The following CAST variants were observed in gnomAD, a reference collection of about 807,000 sequenced individuals.
The protein encoded by CAST is MIR583 host.
In CAST, 76 loss-of-function variants were observed where a neutral mutation model predicts 119.6. The observed-to-expected ratio is 0.64, with a 90% CI of 0.53 to 0.77. The LOEUF (loss-of-function observed/expected upper bound fraction) is 0.77, where lower values mean the gene tolerates loss of function less well. CAST is among the 30% of genes least tolerant of loss of function. The pLI, the probability that CAST is intolerant of heterozygous loss-of-function variation, is 0.00. For synonymous variants in CAST, 319 were observed against 331.6 expected (o/e 0.96, Z 0.41); for missense variants, 953 against 946.5 (o/e 1.01, Z -0.09).
At chr5:96,589,800 T>A (rs1746931371) in intron 1 of CAST, among the ~76,000 whole-genome samples, 1 of 152,192 alleles carries the variant, frequency 6.6e-6, no homozygotes, top group Non-Finnish European at 1.5e-5. Context: ...TAATCAGCTA[T>A]CACGTCTCAT....
the CAST span, among the ~76,000 whole-genome samples, chr5:96,179,635 T>C: frequency 1.3e-5 from 2 of 152,070 alleles, no homozygotes; most frequent in Non-Finnish European, 2.9e-5. Flanking sequence ...TGACTCACAC[T>C]TGAGGGAGGA....
At chr5:96,759,950 TTAAA>T (rs1259009977) in intron 24 of CAST, among the ~76,000 whole-genome samples, 1 of 151,992 alleles carries the variant, frequency 6.6e-6, no homozygotes, top group Non-Finnish European at 1.5e-5. Context: ...TTTTCTAAGA[TTAAA>T]CAAAAATATT....
chr5:96,074,869 A>G, the CAST span, among the ~76,000 whole-genome samples: 3 of 152,324 alleles, frequency 2.0e-5, no homozygotes, highest in Non-Finnish European at 4.4e-5. Flanking sequence ...ACTCTTCTGT[A>G]TCTTGTTTGC....
At chr5:95,997,894 C>T in the CAST span, among the ~76,000 whole-genome samples, 13 of 150,906 alleles carry the variant, frequency 8.6e-5, no homozygotes, top group East Asian at 1.9e-4. Flanking sequence ...AAAAGGCCCA[C>T]GTCTCACTGC....
At chr5:96,346,407 A>G in the CAST span, among the ~76,000 whole-genome samples, 1 of 152,158 alleles carries the variant, frequency 6.6e-6, no homozygotes, top group Non-Finnish European at 1.5e-5. Context: ...TGGATCAGAT[A>G]ATGGATTTGG....
chr5:96,691,927 C>T (rs1235605750), intron 2 of CAST, among the ~76,000 whole-genome samples: 1 of 152,156 alleles, frequency 6.6e-6, no homozygotes, highest in Non-Finnish European at 1.5e-5. Context: ...AACTCTTTGC[C>T]TGGCTCTTGG....
the CAST span, among the ~76,000 whole-genome samples, chr5:96,348,719 G>GATGGCA: frequency 6.6e-6 from 1 of 152,164 alleles, no homozygotes; most frequent in Admixed American, 6.5e-5. Context: ...AGAGGAGGCA[G>GATGGCA]ATGGCAATGG....
the CAST span, among the ~76,000 whole-genome samples, chr5:96,339,863 C>T: frequency 1.3e-5 from 2 of 152,066 alleles, no homozygotes; most frequent in Non-Finnish European, 2.9e-5. Context: ...TGGCTATCTC[C>T]CCAGGGTGGC....
In CAST at chr5:96,752,921, A is replaced by G. The variant is rs115555962; in HGVS notation, c.1525-1139A>G. Reference sequence around the variant, plus strand: ...CCCCATACACTGGAAGCAACAGTTTAAAGAATAGTATTTATCCCTTCTATG... The same window carrying G: ...CCCCATACACTGGAAGCAACAGTTTGAAGAATAGTATTTATCCCTTCTATG... On this transcript the variant is annotated intron_variant, in intron 20 of 31. Coordinates refer to ENST00000675179, the MANE Select transcript of CAST (RefSeq NM_001750.7). 3.4e-3 allele frequency among the ~76,000 whole-genome samples: 510 copies of G among 151,756 alleles called. 3 individuals carry two copies. The highest frequency in any genetic ancestry group is 0.012 in the African/African-American group (492 of 41,372).
At chr5:96,705,032 A>T (rs1297138611) in intron 3 of CAST, among the ~76,000 whole-genome samples, 4 of 152,166 alleles carry the variant, frequency 2.6e-5, no homozygotes, top group Non-Finnish European at 4.4e-5. Context: ...AAAACATATT[A>T]AAAAGGGCTA....
chr5:96,539,019 T>C (rs142003426), intron 1 of CAST, among the ~76,000 whole-genome samples: 96 of 152,340 alleles, frequency 6.3e-4, no homozygotes, highest in African/African-American at 2.3e-3. Flanking sequence ...ATTATAAAGA[T>C]CTTGCTAAAT....
the CAST span, among the ~76,000 whole-genome samples, chr5:96,479,597 G>A: frequency 6.6e-6 from 1 of 151,958 alleles, no homozygotes; most frequent in African/African-American, 2.4e-5. Flanking sequence ...GTATAGGCAT[G>A]CACCACCATG....
chr5:96,275,558 C>G, the CAST span, among the ~76,000 whole-genome samples: 3 of 152,152 alleles, frequency 2.0e-5, no homozygotes, highest in Non-Finnish European at 2.9e-5. Flanking sequence ...TTCCCTGTCT[C>G]CACCTCCTTT....
chr5:96,061,221 G>A, the CAST span, among the ~76,000 whole-genome samples: 1 of 152,050 alleles, frequency 6.6e-6, no homozygotes, highest in Non-Finnish European at 1.5e-5. Context: ...GCCTTCTGTA[G>A]CAGAGAATTA....
the CAST span, among the ~76,000 whole-genome samples, chr5:96,395,196 G>T: frequency 6.6e-6 from 1 of 152,122 alleles, no homozygotes; most frequent in Non-Finnish European, 1.5e-5. Context: ...ACAATTTGTA[G>T]GTTCAACAGT....
At chr5:96,571,094 AT>A (rs143140634) in intron 1 of CAST, among the ~76,000 whole-genome samples, 3,261 of 152,286 alleles carry the variant, frequency 0.021, 45 homozygotes, top group Non-Finnish European at 0.034. Flanking sequence ...CTGACATTGA[AT>A]GTCAAGCATT....
the CAST span, among the ~76,000 whole-genome samples, chr5:96,190,371 G>A: frequency 6.6e-6 from 1 of 152,150 alleles, no homozygotes; most frequent in African/African-American, 2.4e-5. Context: ...GTTCTTTAAT[G>A]AAGGACATTG....
At chr5:96,235,532 G>T in the CAST span, among the ~76,000 whole-genome samples, 3 of 152,156 alleles carry the variant, frequency 2.0e-5, no homozygotes, top group Non-Finnish European at 4.4e-5. Flanking sequence ...TTATTTAGGA[G>T]CTGTCCTAGA....
the CAST span, among the ~76,000 whole-genome samples, chr5:96,333,556 C>A: frequency 6.6e-6 from 1 of 152,142 alleles, no homozygotes; most frequent in African/African-American, 2.4e-5. Context: ...ATCTGGGCAG[C>A]CTCCTGGAGT....
Sources: allele counts gnomAD v4.1 joint callset (sites outside exome capture counted in the v4.1 genomes callset), GRCh38; gene constraint gnomAD v4.1.1; transcripts MANE v1.5; gene names NCBI Gene and HGNC (gene_info 2026-07-23, HGNC 2026-07-21).